Variants in GP1BA observed in about 807,000 individuals in gnomAD.
The protein encoded by GP1BA is glycoprotein Ib platelet subunit alpha, also known as platelet glycoprotein Ib alpha chain.
GP1BA carries 3 observed loss-of-function variants against 5.6 expected under a neutral mutation model. The observed-to-expected ratio is 0.53, with a 90% CI of 0.24 to 1.38. The LOEUF is 1.38. Ranked by LOEUF, GP1BA falls within the 40% of genes most tolerant of loss-of-function variation. GP1BA has a pLI of 0.16. For synonymous variants in GP1BA, 323 were observed against 358.3 expected (o/e 0.90, Z 1.11); for missense variants, 707 against 801.4 (o/e 0.88, Z 1.42).
In GP1BA at chr17:4,933,782, C is replaced by G. The variant is rs569872698; in HGVS notation, c.1178C>G (p.Pro393Arg). 3.1e-6 allele frequency: 5 copies of G among 1,613,758 alleles called. No individual in the cohort carries two copies. The African/African-American group carries it at 5.3e-5, about 17-fold the overall frequency. The change falls in exon 2 of 2, where the codon CCG (proline) becomes CGG (arginine). Residue 393 changes from proline to arginine, a missense_variant. Pro to Arg is a moderately radical substitution (Grantham distance 103). Coordinates refer to ENST00000329125, the MANE Select transcript of GP1BA (RefSeq NM_000173.7). ...AGCCCGACCACCTCAGAGCCCGTCC[C>G]GGAGCCCGCCCCAAACATGACCACC... ...TPSPTTSEPVPEPAPNMTTLE... is the reference protein window; with the variant it reads ...TPSPTTSEPVREPAPNMTTLE...
rs767153882 is a variant in GP1BA, at chr17:4,932,785, A to T, written c.181A>T (p.Thr61Ser). 1 of 1,613,942 alleles carries T rather than the reference A, an allele frequency of 6.2e-7. No homozygotes were observed. Among genetic ancestry groups the T allele is most frequent in the South Asian group, 1.1e-5 (1 of 91,090 alleles). ...CCACCTGAGTGAGAACCTCCTGTAC[A>T]CCTTCTCCCTGGCAACCCTGATGCC... ...ILHLSENLLY[T>S]FSLATLMPYT... Residue 61 changes from threonine (T) to serine (S), a missense_variant, in exon 2 of 2, where the codon ACC becomes TCC. Coordinates refer to ENST00000329125, the MANE Select transcript of GP1BA (RefSeq NM_000173.7). This position sits in a 1 kb window ranked among gnomAD's most constrained non-coding sequence, Gnocchi z 4.8.
Position 4,933,660 on chromosome 17 carries a change from GACCACA to G in GP1BA, c.1057_1062del (p.Thr353_Thr354del). On this transcript the variant is annotated inframe_deletion, in exon 2 of 2. Coordinates refer to ENST00000329125, the MANE Select transcript of GP1BA (RefSeq NM_000173.7). ...CAACACAAGAATCCACTAAGGAGCA[GACCACA>G]TTCCCACCTAGATGGACCCCAAATT... 6.2e-7 allele frequency: 1 copy of G among 1,613,854 alleles called. No homozygotes were observed.
chr17:4,934,464 G>A lies in GP1BA; in HGVS notation c.1860G>A (p.Gly620=), dbSNP rs1359001684. ...FLWVRPNGRV[G]PLVAGRRPSA... is the part of the protein sequence containing the mutation. ...GGGTACGGCCTAATGGCCGTGTGGG[G>A]CCTCTAGTGGCAGGAAGGAGGCCCT... is the stretch of plus-strand genomic sequence containing the variant. The change falls in exon 2 of 2, where the codon GGG becomes GGA. Residue 620 remains glycine, a synonymous_variant. Transcript: ENST00000329125. 6.2e-7 allele frequency: 1 copy of A among 1,614,050 alleles called. No homozygotes were observed. The highest frequency in any genetic ancestry group is 2.2e-5 in the East Asian group (1 of 44,890).
rs960740250 is a variant in GP1BA, at chr17:4,932,901, T to C, written c.297T>C (p.Asp99=). 3 of 1,613,920 alleles carry C rather than the reference T, an allele frequency of 1.9e-6. No homozygotes were observed. The highest frequency in any genetic ancestry group is 1.7e-6 in the Non-Finnish European group (2 of 1,179,866). Residue 99 remains aspartate, a synonymous_variant, in exon 2 of 2, where the codon GAT becomes GAC. Coordinates refer to ENST00000329125, the MANE Select transcript of GP1BA (RefSeq NM_000173.7). The surrounding 1 kb of genome is among the most constrained non-coding windows in gnomAD (Gnocchi z 4.8). ...CGCTGCCAGTGCTGGGGACCCTGGA[T>C]CTATCCCACAATCAGCTGCAAAGCC... ...DGTLPVLGTL[D]LSHNQLQSLP...
rs372498765 is a variant in GP1BA, at chr17:4,934,279, A to C, written c.1675A>C (p.Lys559Gln). 52 of 1,613,814 alleles carry C rather than the reference A, an allele frequency of 3.2e-5. No individual in the cohort carries two copies. Among genetic ancestry groups the C allele is most frequent in the Non-Finnish European group, 4.2e-5 (50 of 1,179,874 alleles). ...GCTGCTGAGCTGGGTTGGGCATGTG[A>C]AACCACAGGCCCTGGACTCTGGCCA... ...ILLLSWVGHV[K>Q]PQALDSGQGA... Residue 559 changes from lysine to glutamine, a missense_variant, in exon 2 of 2, where the codon AAA (lysine) becomes CAA (glutamine). By Grantham distance (53) the Lys-to-Gln change is moderately conservative (BLOSUM62 1). Coordinates refer to ENST00000329125, the MANE Select transcript of GP1BA (RefSeq NM_000173.7).
chr17:4,932,994 G>A lies in GP1BA; in HGVS notation c.390G>A (p.Ser130=), dbSNP rs181416431. Residue 130 remains serine, a synonymous_variant, in exon 2 of 2, where the codon TCG becomes TCA. Transcript: ENST00000329125. The surrounding 1 kb of genome is among the most constrained non-coding windows in gnomAD (Gnocchi z 4.8). ...ACGTCTCCTTCAACCGGCTGACCTC[G>A]CTGCCTCTTGGTGCCCTGCGTGGTC... ...VLDVSFNRLT[S]LPLGALRGLG... is the part of the protein sequence containing the mutation. 130 of 1,613,958 alleles carry A rather than the reference G, an allele frequency of 8.1e-5. 1 individual carries two copies. The Middle Eastern group carries it at 2.0e-3, about 25-fold the overall frequency.
chr17:4,933,798 C>T lies in GP1BA; in HGVS notation c.1194C>T (p.Asn398=), dbSNP rs1478672076. Reference sequence around the variant, plus strand: ...AGCCCGTCCCGGAGCCCGCCCCAAACATGACCACCCTGGAGCCCACTCCAA... The same window carrying T: ...AGCCCGTCCCGGAGCCCGCCCCAAATATGACCACCCTGGAGCCCACTCCAA... ...TSEPVPEPAP[N]MTTLEPTPSP... Residue 398 remains asparagine (N), a synonymous_variant, in exon 2 of 2, where the codon AAC becomes AAT. Transcript: ENST00000329125. The T allele has an allele frequency of 6.2e-7, 1 of 1,613,246 alleles. No individual in the cohort carries two copies. Among genetic ancestry groups the T allele is most frequent in the South Asian group, 1.1e-5 (1 of 91,028 alleles).
Position 4,934,038 on chromosome 17 carries a change from T to C in GP1BA, c.1434T>C (p.Phe478=). ...ATSLITPKST[F]LTTTKPVSLL... Reference sequence around the variant, plus strand: ...GCCTGATCACTCCAAAAAGCACATTTTTAACTACCACAAAACCCGTATCAC... The same window carrying C: ...GCCTGATCACTCCAAAAAGCACATTCTTAACTACCACAAAACCCGTATCAC... The change falls in exon 2 of 2, where the codon TTT becomes TTC. Residue 478 remains phenylalanine (F), a synonymous_variant. Transcript: ENST00000329125. 6.2e-7 allele frequency: 1 copy of C among 1,613,594 alleles called. No individual in the cohort carries two copies. The highest frequency in any genetic ancestry group is 2.2e-5 in the East Asian group (1 of 44,872).
Position 4,933,612 on chromosome 17 carries a change from C to T in GP1BA, c.1008C>T (p.Ser336=), listed in dbSNP as rs758238155. ...FYSWSTASLD[S]QMPSSLHPTQ... Reference sequence around the variant, plus strand: ...CATGGTCCACTGCTTCTCTAGACAGCCAAATGCCCTCCTCCTTGCATCCAA... The same window carrying T: ...CATGGTCCACTGCTTCTCTAGACAGTCAAATGCCCTCCTCCTTGCATCCAA... Residue 336 remains serine (S), a synonymous_variant, in exon 2 of 2, where the codon AGC becomes AGT. Coordinates refer to ENST00000329125, the MANE Select transcript of GP1BA (RefSeq NM_000173.7). 3.1e-6 allele frequency: 5 copies of T among 1,613,820 alleles called. No individual in the cohort carries two copies. In the Admixed American group the frequency reaches 8.3e-5, roughly 27 times the overall value.
chr17:4,932,361 T>G lies in GP1BA; in HGVS notation c.-11T>G. On this transcript the variant is annotated 5_prime_UTR_variant, in exon 1 of 2. Coordinates refer to ENST00000329125, the MANE Select transcript of GP1BA (RefSeq NM_000173.7). The surrounding 1 kb of genome is among the most constrained non-coding windows in gnomAD (Gnocchi z 4.8). ...CTGTGCCTTCGGAGGTCTTTCTGCC[T>G]GCCTGTAAGCCGGGGTTGGTGCTGG... 1.4e-6 allele frequency: 2 copies of G among 1,382,424 alleles called. No homozygotes were observed. The highest frequency in any genetic ancestry group is 1.9e-6 in the Non-Finnish European group (2 of 1,067,798). 85.6% of individuals were successfully genotyped at this position (1,382,424 alleles called of 1,614,324 possible). A position where few individuals can be genotyped will look rare whatever the true frequency, so the allele number is the denominator to read the frequency against.
Position 4,933,666 on chromosome 17 carries a change from A to G in GP1BA, c.1062A>G (p.Thr354=). Residue 354 remains threonine (T), a synonymous_variant, in exon 2 of 2, where the codon ACA becomes ACG. Coordinates refer to ENST00000329125, the MANE Select transcript of GP1BA (RefSeq NM_000173.7). ...AAGAATCCACTAAGGAGCAGACCAC[A>G]TTCCCACCTAGATGGACCCCAAATT... is the stretch of plus-strand genomic sequence containing the variant. The part of the protein sequence containing the change: ...PTQESTKEQT[T]FPPRWTPNFT... 6.2e-7 allele frequency: 1 copy of G among 1,613,918 alleles called. No homozygotes were observed. Among genetic ancestry groups the G allele is most frequent in the Non-Finnish European group, 8.5e-7 (1 of 1,179,878 alleles).
At position 4,934,837 on chromosome 17, in the gene GP1BA, T is replaced by C; in HGVS notation, c.*274T>C. 1 of 542,658 alleles carries C rather than the reference T, an allele frequency of 1.8e-6. No individual in the cohort carries two copies. The highest frequency in any genetic ancestry group is 3.4e-6 in the Non-Finnish European group (1 of 291,498). The allele number at this position is 542,658 out of a possible 1,614,324, so 33.6% of individuals were successfully genotyped here. On this transcript the variant is annotated 3_prime_UTR_variant, in exon 2 of 2. Transcript: ENST00000329125. ...CTCACGGTGAACCATTTTGGCAGAA[T>C]ACAGCATGGTTCCCACATGCATCTA...
Position 4,933,231 on chromosome 17 carries a change from G to A in GP1BA, c.627G>A (p.Gly209=). The change falls in exon 2 of 2, where the codon GGG becomes GGA. Residue 209 remains glycine (G), a synonymous_variant. Transcript: ENST00000329125. ...ATACAATACCAAAGGGCTTTTTTGG[G>A]TCCCACCTCCTGCCTTTTGCTTTTC... The part of the protein sequence containing the change: ...SLYTIPKGFF[G]SHLLPFAFLH... 1.9e-6 allele frequency: 3 copies of A among 1,613,890 alleles called. No individual in the cohort carries two copies. Among genetic ancestry groups the A allele is most frequent in the Admixed American group, 1.7e-5 (1 of 60,018 alleles).
Position 4,932,899 on chromosome 17 carries a change from G to C in GP1BA, c.295G>C (p.Asp99His). The C allele has an allele frequency of 6.2e-7, 1 of 1,613,948 alleles. No individual in the cohort carries two copies. The highest frequency in any genetic ancestry group is 8.5e-7 in the Non-Finnish European group (1 of 1,179,886). ...GACGCTGCCAGTGCTGGGGACCCTG[G>C]ATCTATCCCACAATCAGCTGCAAAG... ...DGTLPVLGTL[D>H]LSHNQLQSLP... Residue 99 changes from aspartate to histidine, a missense_variant, in exon 2 of 2, where the codon GAT (aspartate) becomes CAT (histidine). This residue lies in a region of GP1BA where 442 missense variants were observed against 498.8 expected (regional missense o/e 0.89). Coordinates refer to ENST00000329125, the MANE Select transcript of GP1BA (RefSeq NM_000173.7). This position sits in a 1 kb window ranked among gnomAD's most constrained non-coding sequence, Gnocchi z 4.8.
Position 4,932,385 on chromosome 17 carries a change from G to C in GP1BA, c.-7+20G>C, listed in dbSNP as rs1597637989. The C allele has an allele frequency of 7.1e-6, 10 of 1,403,192 alleles. No homozygotes were observed. The highest frequency in any genetic ancestry group is 1.4e-5 in the African/African-American group (1 of 69,282). 86.9% of individuals were successfully genotyped at this position (1,403,192 alleles called of 1,614,324 possible). On this transcript the variant is annotated intron_variant, in intron 1 of 1. Transcript: ENST00000329125. The surrounding 1 kb of genome is among the most constrained non-coding windows in gnomAD (Gnocchi z 4.8). Reference sequence around the variant, plus strand: ...CTGCCTGTAAGCCGGGGTTGGTGCTGGGGCAGGAGAGGGGTCTGAGGGAGG... The same window carrying C: ...CTGCCTGTAAGCCGGGGTTGGTGCTCGGGCAGGAGAGGGGTCTGAGGGAGG...
In GP1BA at chr17:4,932,869, G is replaced by T; in HGVS notation, c.265G>T (p.Asp89Tyr). ...DRCELTKLQV[D>Y]GTLPVLGTLD... ...GTGCGAGCTCACCAAGCTCCAGGTCGATGGGACGCTGCCAGTGCTGGGGAC... is the reference window on the plus strand; with the variant it reads ...GTGCGAGCTCACCAAGCTCCAGGTCTATGGGACGCTGCCAGTGCTGGGGAC... Residue 89 changes from aspartate to tyrosine, a missense_variant, in exon 2 of 2, where the codon GAT becomes TAT. Around this residue, in one of 3 missense-constraint regions of GP1BA, gnomAD observed 442 missense variants for 498.8 expected, o/e 0.89. Transcript: ENST00000329125. This position sits in a 1 kb window ranked among gnomAD's most constrained non-coding sequence, Gnocchi z 4.8. The T allele has an allele frequency of 6.2e-7, 1 of 1,613,996 alleles. No individual in the cohort carries two copies. Among genetic ancestry groups the T allele is most frequent in the Non-Finnish European group, 8.5e-7 (1 of 1,179,890 alleles).
In GP1BA at chr17:4,932,742, G is replaced by A. The variant is rs750305979; in HGVS notation, c.138G>A (p.Pro46=). The change falls in exon 2 of 2, where the codon CCG becomes CCA. Residue 46 remains proline (P), a synonymous_variant. Transcript: ENST00000329125. The surrounding 1 kb of genome is among the most constrained non-coding windows in gnomAD (Gnocchi z 4.8). Reference sequence around the variant, plus strand: ...TGACAGCGCTGCCTCCAGACCTGCCGAAAGACACAACCATCCTCCACCTGA... The same window carrying A: ...TGACAGCGCTGCCTCCAGACCTGCCAAAAGACACAACCATCCTCCACCTGA... ...RNLTALPPDL[P]KDTTILHLSE... The A allele has an allele frequency of 1.1e-5, 18 of 1,613,788 alleles. No individual in the cohort carries two copies. Among genetic ancestry groups the A allele is most frequent in the East Asian group, 6.7e-5 (3 of 44,886 alleles).
chr17:4,933,530 G>A lies in GP1BA; in HGVS notation c.926G>A (p.Arg309Lys), dbSNP rs1398633991. The A allele has an allele frequency of 6.2e-7, 1 of 1,613,802 alleles. No homozygotes were observed. The highest frequency in any genetic ancestry group is 1.1e-5 in the South Asian group (1 of 91,084). Residue 309 changes from arginine (R) to lysine (K), a missense_variant, in exon 2 of 2, where the codon AGG becomes AAG. Physicochemically the swap from Arg to Lys is conservative, Grantham distance 26 (BLOSUM62 2). This residue lies in a region of GP1BA where 442 missense variants were observed against 498.8 expected (regional missense o/e 0.89). Transcript: ENST00000329125. The part of the protein sequence containing the change: ...DTEGDKVRAT[R>K]TVVKFPTKAH... ...GAGGGCGATAAGGTGCGTGCCACAA[G>A]GACTGTGGTCAAGTTCCCCACCAAA...
Position 4,934,769 on chromosome 17 carries a change from G to A in GP1BA, c.*206G>A. ...GGGTAATGACATGGACTTGGCGGGG[G>A]GACAAGACAAAGCTCCCGATGCTGC... is the stretch of plus-strand genomic sequence containing the variant. On this transcript the variant is annotated 3_prime_UTR_variant, in exon 2 of 2. Transcript: ENST00000329125. 3.2e-6 allele frequency: 2 copies of A among 627,772 alleles called. No individual in the cohort carries two copies. The highest frequency in any genetic ancestry group is 2.0e-5 in the South Asian group (1 of 50,688). 38.9% of individuals were successfully genotyped at this position (627,772 alleles called of 1,614,324 possible). A position where few individuals can be genotyped will look rare whatever the true frequency, so the allele number is the denominator to read the frequency against.
Sources: allele counts gnomAD v4.1 joint callset, GRCh38; gene constraint gnomAD v4.1.1; regional missense constraint gnomAD v4.1.1; non-coding constraint Gnocchi (gnomAD v3.1); transcripts MANE v1.5; gene names NCBI Gene and HGNC (gene_info 2026-07-23, HGNC 2026-07-21).